FHL2: variants seen among roughly 807,000 people sequenced by gnomAD.
The protein encoded by FHL2 is four and a half LIM domains protein 2.
FHL2 carries 20 observed loss-of-function variants against 32.7 expected under a neutral mutation model. That is an observed-to-expected ratio of 0.61 (90% CI 0.43 to 0.89). The LOEUF (loss-of-function observed/expected upper bound fraction) is 0.89, where lower values mean the gene tolerates loss of function less well. Among genes scored for constraint, FHL2 ranks in the 40% least tolerant of loss-of-function variants. The pLI is 0.00. For missense variants in FHL2, 311 were observed against 358.6 expected (o/e 0.87, Z 1.07); for synonymous variants, 123 against 128.1 (o/e 0.96, Z 0.27).
chr2:105,391,746 T>C (rs373543669), intron 2 of FHL2, among the ~76,000 whole-genome samples: 2 of 152,170 alleles, frequency 1.3e-5, no homozygotes, highest in East Asian at 3.9e-4. Flanking sequence ...GACATCTTGG[T>C]TCTACAAGGA....
intron 3 of FHL2, among the ~76,000 whole-genome samples, chr2:105,385,585 A>G (rs1682246660): frequency 6.6e-6 from 1 of 152,248 alleles, no homozygotes; most frequent in African/African-American, 2.4e-5. Context: ...CACGGCACTC[A>G]GGATGACAGC....
intron 5 of FHL2, among the ~76,000 whole-genome samples, chr2:105,365,842 C>CA (rs1214547733): frequency 6.7e-6 from 1 of 149,046 alleles, no homozygotes; most frequent in African/African-American, 2.5e-5. Context: ...GAAACTGTCT[C>CA]AAAAAAAGAA....
intron 1 of FHL2, among the ~76,000 whole-genome samples, chr2:105,422,080 A>C (rs940505248): frequency 6.6e-6 from 1 of 152,166 alleles, no homozygotes; most frequent in Non-Finnish European, 1.5e-5. Context: ...CCCCACATAC[A>C]TGCAAGTCCT....
At chr2:105,404,682 T>C (rs965591474) in intron 1 of FHL2, among the ~76,000 whole-genome samples, 1 of 152,228 alleles carries the variant, frequency 6.6e-6, no homozygotes, top group Non-Finnish European at 1.5e-5. Flanking sequence ...TTTCTCTGCC[T>C]GTCAGACTTT....
intron 3 of FHL2, chr2:105,373,988 T>C (rs1288685061): frequency 5.8e-6 from 3 of 516,118 alleles, no homozygotes; most frequent in African/African-American, 1.9e-5. Context: ...GTGTGAGAGA[T>C]GCTTCTAAAA....
intron 5 of FHL2, among the ~76,000 whole-genome samples, chr2:105,363,863 G>A (rs955442223): frequency 3.3e-5 from 5 of 152,212 alleles, no homozygotes; most frequent in African/African-American, 1.2e-4. Context: ...TACCAGCCCT[G>A]TGGCTGGGAG....
Position 105,398,852 on chromosome 2 carries a change from A to T in FHL2, c.-86T>A. Reference sequence around the variant, plus strand: ...CTGCTCTCCTCTCACCAGTCTCCCCAACTCCGGCTCTGCTCCCCTCTCCTT... The same window carrying T: ...CTGCTCTCCTCTCACCAGTCTCCCCTACTCCGGCTCTGCTCCCCTCTCCTT... On this transcript the variant is annotated 5_prime_UTR_variant, in exon 1 of 7. Transcript: ENST00000530340. 1 of 1,453,218 alleles carries T rather than the reference A, an allele frequency of 6.9e-7. No homozygotes were observed. The highest frequency in any genetic ancestry group is 9.0e-7 in the Non-Finnish European group (1 of 1,105,124). 90.0% of individuals were successfully genotyped at this position (1,453,218 alleles called of 1,614,324 possible).
intron 3 of FHL2, among the ~76,000 whole-genome samples, chr2:105,383,993 T>G (rs1682106387): frequency 6.6e-6 from 1 of 152,246 alleles, no homozygotes; most frequent in African/African-American, 2.4e-5. Context: ...TGGCTCCATT[T>G]GGGAGACTCT....
intron 1 of FHL2, among the ~76,000 whole-genome samples, chr2:105,413,538 T>A (rs4851061): frequency 0.93 from 141,058 of 152,244 alleles, 65,395 homozygotes; most frequent in East Asian, 1. Flanking sequence ...CAGTGGCATG[T>A]TCACAGCTCA....
chr2:105,386,190 A>T, intron 3 of FHL2, 171 bp downstream of exon 3: 1 of 631,358 alleles, frequency 1.6e-6, no homozygotes, highest in Admixed American at 3.2e-5. Flanking sequence ...GGCAGAGATC[A>T]CATTCGCTAG....
At chr2:105,435,435 A>T (rs1284603438) in intron 1 of FHL2, among the ~76,000 whole-genome samples, 1 of 152,166 alleles carries the variant, frequency 6.6e-6, no homozygotes, top group Non-Finnish European at 1.5e-5. Context: ...CCTTGAAATT[A>T]CTCTAGATTT....
At chr2:105,422,127 G>A (rs900319293) in intron 1 of FHL2, among the ~76,000 whole-genome samples, 9 of 152,192 alleles carry the variant, frequency 5.9e-5, no homozygotes, top group African/African-American at 2.2e-4. Context: ...TCTTGGCCGC[G>A]TTGTGGACCA....
chr2:105,416,614 A>G (rs1683945400), intron 1 of FHL2, among the ~76,000 whole-genome samples: 1 of 152,242 alleles, frequency 6.6e-6, no homozygotes, highest in Non-Finnish European at 1.5e-5. Flanking sequence ...CTTAAGCTTT[A>G]AACAGATCTT....
chr2:105,378,353 C>T (rs1681628431), intron 3 of FHL2: 1 of 372,202 alleles, frequency 2.7e-6, no homozygotes, highest in Non-Finnish European at 5.4e-6. Flanking sequence ...AGCCTGTCCC[C>T]CCACACCCTG....
chr2:105,399,317 G>A (rs1008815735), upstream of FHL2: 6 of 1,535,742 alleles, frequency 3.9e-6, no homozygotes, highest in South Asian at 1.2e-5. Context: ...TCTCGGGCGC[G>A]AGTTTCGGAC....
At chr2:105,372,135 C>A (rs900227138) in intron 4 of FHL2, among the ~76,000 whole-genome samples, 3 of 152,182 alleles carry the variant, frequency 2.0e-5, no homozygotes, top group Admixed American at 6.5e-5. Flanking sequence ...GTTATATTAA[C>A]CAGAGAAATG....
chr2:105,361,190 T>C lies in FHL2; in HGVS notation c.*93A>G. Reference sequence around the variant, plus strand: ...CACTAGAAGAAAGTCTCAATGTGGCTGGAAGAAACCAGAAGGCAAGATTGC... The same window carrying C: ...CACTAGAAGAAAGTCTCAATGTGGCCGGAAGAAACCAGAAGGCAAGATTGC... On this transcript the variant is annotated 3_prime_UTR_variant, in exon 7 of 7. Coordinates refer to ENST00000530340, the MANE Select transcript of FHL2 (RefSeq NM_001318895.3). The C allele has an allele frequency of 3.0e-6, 4 of 1,340,960 alleles. No individual in the cohort carries two copies. Among genetic ancestry groups the C allele is most frequent in the Non-Finnish European group, 3.1e-6 (3 of 962,618 alleles). The allele number at this position is 1,340,960 out of a possible 1,614,324, so 83.1% of individuals were successfully genotyped here. A position where few individuals can be genotyped will look rare whatever the true frequency, so the allele number is the denominator to read the frequency against.
upstream of FHL2, among the ~76,000 whole-genome samples, chr2:105,402,308 A>G (rs7571590): frequency 0.87 from 132,372 of 151,624 alleles, 57,834 homozygotes; most frequent in Admixed American, 0.92. Flanking sequence ...GTACAGTGGC[A>G]CTGTCTTGGC....
At chr2:105,417,684 C>CAAAAAA (rs11353319) in intron 1 of FHL2, among the ~76,000 whole-genome samples, 1 of 89,384 alleles carries the variant, frequency 1.1e-5, no homozygotes, top group Admixed American at 1.3e-4. Flanking sequence ...ACTCCATCTC[C>CAAAAAA]AAAAAAAAAA....
Sources: gnomAD v4.1 joint callset for allele counts (sites outside exome capture counted in the v4.1 genomes callset) on GRCh38, gnomAD v4.1.1 for gene constraint, MANE v1.5 for transcripts, NCBI Gene and HGNC (gene_info 2026-07-23, HGNC 2026-07-21) for gene names.